The following CYP3A43 variants were observed in gnomAD, a reference collection of about 807,000 sequenced individuals.
The protein encoded by CYP3A43 is cytochrome P450 family 3 subfamily A member 43, also known as cytochrome P450 3A43.
Under a neutral mutation model 58.0 loss-of-function variants are expected in CYP3A43, and 45 were observed. That is an observed-to-expected ratio of 0.78 (90% CI 0.61 to 0.99). The LOEUF is 0.99. CYP3A43 is among the 50% of genes least tolerant of loss of function. The pLI, the probability that CYP3A43 is intolerant of heterozygous loss-of-function variation, is 0.00. For missense variants in CYP3A43, 593 were observed against 591.9 expected, an observed-to-expected ratio of 1.00 and a Z score of -0.02; for synonymous variants, 191 against 201.4, an observed-to-expected ratio of 0.95 and a Z score of 0.44.
At chr7:99,833,324 A>AG (rs60175649) in intron 1 of CYP3A43, among the ~76,000 whole-genome samples, 1 of 152,064 alleles carries the variant, frequency 6.6e-6, no homozygotes, top group African/African-American at 2.4e-5. Flanking sequence ...ATTTCGTGGG[A>AG]GGGGGGAGAT....
At chr7:99,845,494 T>G (rs1029003072) in intron 4 of CYP3A43, among the ~76,000 whole-genome samples, 8 of 151,898 alleles carry the variant, frequency 5.3e-5, no homozygotes, top group African/African-American at 1.9e-4. Flanking sequence ...ATCTAATTTT[T>G]GTATTTTAGT....
chr7:99,854,890 T>C (rs1407842153), intron 7 of CYP3A43, among the ~76,000 whole-genome samples: 3 of 152,160 alleles, frequency 2.0e-5, no homozygotes, highest in Admixed American at 1.3e-4. Flanking sequence ...CTCTCTCTTT[T>C]TTTTTTTCTT....
At chr7:99,840,934 C>T (rs559205929) in intron 3 of CYP3A43, among the ~76,000 whole-genome samples, 1 of 152,302 alleles carries the variant, frequency 6.6e-6, no homozygotes, top group African/African-American at 2.4e-5. Flanking sequence ...GGCTCATGTG[C>T]TGAGGTCTGG....
At chr7:99,844,294 A>G (rs1193390668) in intron 4 of CYP3A43, 52 bp downstream of exon 4, 3 of 1,552,106 alleles carry the variant, frequency 1.9e-6, no homozygotes, top group African/African-American at 2.8e-5. Context: ...TTAAATGATT[A>G]TATATTCATG....
intron 6 of CYP3A43, 62 bp from the exon 7 acceptor site, chr7:99,849,484 T>C: frequency 6.5e-7 from 1 of 1,539,068 alleles, no homozygotes; most frequent in African/African-American, 1.4e-5. Flanking sequence ...TCTTGCTGTG[T>C]GTATAGCAGA....
chr7:99,835,109 G>C (rs1398292792), intron 1 of CYP3A43, among the ~76,000 whole-genome samples: 1 of 152,206 alleles, frequency 6.6e-6, no homozygotes, highest in Non-Finnish European at 1.5e-5. Context: ...ACAATCAGTA[G>C]TGGAATTCTA....
chr7:99,865,820 A>C (rs1206657785), intron 12 of CYP3A43, 86 bp from the exon 13 acceptor site: 4 of 913,018 alleles, frequency 4.4e-6, no homozygotes, highest in Non-Finnish European at 6.4e-6. Flanking sequence ...GCAAAGCATT[A>C]CCCTTGATGT....
chr7:99,835,852 T>C (rs1398549695), intron 1 of CYP3A43, among the ~76,000 whole-genome samples: 1 of 152,204 alleles, frequency 6.6e-6, no homozygotes, highest in East Asian at 1.9e-4. Flanking sequence ...TGGCAAACCT[T>C]CCTCTGGGCA....
chr7:99,862,400 G>A (rs1204976373), intron 11 of CYP3A43, among the ~76,000 whole-genome samples: 2 of 152,146 alleles, frequency 1.3e-5, no homozygotes, highest in Non-Finnish European at 2.9e-5. Context: ...CATCCCTGAT[G>A]GTTTAAGCCA....
intron 1 of CYP3A43, among the ~76,000 whole-genome samples, chr7:99,835,674 A>G (rs911499733): frequency 2.0e-5 from 3 of 152,218 alleles, no homozygotes; most frequent in African/African-American, 7.2e-5. Context: ...GTTCCTGCAC[A>G]TTCATAGTAG....
At chr7:99,852,618 C>T (rs1817805701) in intron 7 of CYP3A43, among the ~76,000 whole-genome samples, 1 of 152,018 alleles carries the variant, frequency 6.6e-6, no homozygotes, top group Admixed American at 6.6e-5. Context: ...TACAGAAATA[C>T]AGTTTATTTC....
In CYP3A43 at chr7:99,848,258, A is replaced by G; in HGVS notation, c.521+4A>G. 1.2e-6 allele frequency: 2 copies of G among 1,613,976 alleles called. No homozygotes were observed. Among genetic ancestry groups the G allele is most frequent in the Non-Finnish European group, 1.7e-6 (2 of 1,179,920 alleles). On this transcript the variant is annotated splice_donor_region_variant and intron_variant, in intron 6 of 12. Coordinates refer to ENST00000354829, the MANE Select transcript of CYP3A43 (RefSeq NM_057095.3). Reference sequence around the variant, plus strand: ...GCAAGTCCATCAACTTGAAAGAGTAAGTAGCACAGTCTTGAGGTTCTGAGC... The same window carrying G: ...GCAAGTCCATCAACTTGAAAGAGTAGGTAGCACAGTCTTGAGGTTCTGAGC...
In CYP3A43 at chr7:99,844,217, G is replaced by C; in HGVS notation, c.293G>C (p.Cys98Ser). Reference protein sequence around the residue: ...DMIKTVLVKECYSVFTNQMPL... With the variant: ...DMIKTVLVKESYSVFTNQMPL... ...ATCAAAACAGTGTTAGTGAAAGAAT[G>C]TTACTCTGTCTTCACAAACCAGATG... Residue 98 changes from cysteine (C) to serine (S), a missense_variant, in exon 4 of 13, where the codon TGT (cysteine) becomes TCT (serine). Transcript: ENST00000354829. The C allele has an allele frequency of 1.2e-6, 2 of 1,613,910 alleles. No individual in the cohort carries two copies. The highest frequency in any genetic ancestry group is 1.7e-6 in the Non-Finnish European group (2 of 1,179,952).
At chr7:99,836,628 C>G in intron 2 of CYP3A43, 82 bp downstream of exon 2, 7 of 1,019,634 alleles carry the variant, frequency 6.9e-6, no homozygotes, top group Non-Finnish European at 1.0e-5. Flanking sequence ...TGCTCCTCCT[C>G]AGGAGGAATT....
At chr7:99,828,221 C>G (rs1439785383) in intron 1 of CYP3A43, 35 bp downstream of exon 1, 1 of 1,515,040 alleles carries the variant, frequency 6.6e-7, no homozygotes, top group Non-Finnish European at 9.0e-7. Flanking sequence ...GCTCTTAACT[C>G]TAAGACCTGA....
At position 99,855,380 on chromosome 7, in the gene CYP3A43, G is replaced by A. The variant is rs1817930959; in HGVS notation, c.671-211G>A. 10 of 502,812 alleles carry A rather than the reference G, an allele frequency of 2.0e-5. No individual in the cohort carries two copies. The South Asian group carries it at 2.5e-4, about 13-fold the overall frequency. 31.1% of individuals were successfully genotyped at this position (502,812 alleles called of 1,614,324 possible). A position where few individuals can be genotyped will look rare whatever the true frequency, so the allele number is the denominator to read the frequency against. ...GACCACTGATCTCACTGCTATAGTG[G>A]AGGCCCCTATGTGTGGATCTGCTCT... On this transcript the variant is annotated intron_variant, in intron 7 of 12. Coordinates refer to ENST00000354829, the MANE Select transcript of CYP3A43 (RefSeq NM_057095.3).
rs374867022 is a variant in CYP3A43, at chr7:99,844,165, A to C, written c.241A>C (p.Met81Leu). The C allele has an allele frequency of 4.3e-6, 7 of 1,613,930 alleles. No individual in the cohort carries two copies. The highest frequency in any genetic ancestry group is 5.9e-6 in the Non-Finnish European group (7 of 1,180,004). Residue 81 changes from methionine (M) to leucine (L), a missense_variant, in exon 4 of 13, where the codon ATG becomes CTG. Transcript: ENST00000354829. ...MWGLYEGQQPMLVIMDPDMIK... is the reference protein window; with the variant it reads ...MWGLYEGQQPLLVIMDPDMIK... ...CAGGCTGTATGAGGGGCAACAGCCC[A>C]TGCTGGTCATCATGGATCCCGACAT...
At chr7:99,837,129 C>A (rs1401971721) in intron 2 of CYP3A43, among the ~76,000 whole-genome samples, 2 of 145,490 alleles carry the variant, frequency 1.4e-5, no homozygotes, top group Non-Finnish European at 3.0e-5. Context: ...CACGGTGAAA[C>A]CCTGTCTCTA....
intron 1 of CYP3A43, among the ~76,000 whole-genome samples, chr7:99,833,229 T>C (rs191321267): frequency 6.6e-4 from 100 of 152,236 alleles, no homozygotes; most frequent in African/African-American, 2.3e-3. Context: ...GGAGGATATT[T>C]ATTAATTATT....
Sources: gnomAD v4.1 joint callset for allele counts (sites outside exome capture counted in the v4.1 genomes callset) on GRCh38, gnomAD v4.1.1 for gene constraint, MANE v1.5 for transcripts, NCBI Gene and HGNC (gene_info 2026-07-23, HGNC 2026-07-21) for gene names.